The following TNRC18 variants were observed in gnomAD, a reference collection of about 807,000 sequenced individuals.
The protein encoded by TNRC18 is trinucleotide repeat containing 18.
TNRC18 carries 69 observed loss-of-function variants against 226.7 expected under a neutral mutation model. The observed-to-expected ratio is 0.30, with a 90% CI of 0.25 to 0.37. The LOEUF is 0.37. Among genes scored for constraint, TNRC18 ranks in the 10% least tolerant of loss-of-function variants. TNRC18 has a pLI of 1.00. For missense variants in TNRC18, 4,754 were observed against 4,256.6 expected (o/e 1.12, Z -3.25); for synonymous variants, 2,449 against 1,927.6 (o/e 1.27, Z -7.09).
chr7:5,416,902 G>A (rs1184352662), intron 2 of TNRC18, among the ~76,000 whole-genome samples: 6 of 151,472 alleles, frequency 4.0e-5, no homozygotes, highest in South Asian at 2.1e-4. Context: ...AAGGCAGGAG[G>A]AGCCCAGGAG....
chr7:5,407,199 C>A (rs1030266785), intron 2 of TNRC18: 1 of 152,416 alleles, frequency 6.6e-6, no homozygotes, highest in Non-Finnish European at 1.5e-5. Context: ...GTGGCCACCG[C>A]CGCCGTTCTG....
At chr7:5,402,619 C>T (rs554343182) in intron 2 of TNRC18, among the ~76,000 whole-genome samples, 2 of 152,006 alleles carry the variant, frequency 1.3e-5, no homozygotes, top group African/African-American at 4.8e-5. Flanking sequence ...TTTGGGAGGC[C>T]GAGGCAGGCA....
intron 2 of TNRC18, among the ~76,000 whole-genome samples, chr7:5,401,237 CG>C (rs1049638742): frequency 2.6e-5 from 2 of 77,834 alleles, no homozygotes; most frequent in African/African-American, 5.5e-5. Context: ...CGGGGGGGGG[CG>C]GGGGGGCTGC....
Position 5,394,539 on chromosome 7 carries a change from G to A in TNRC18, c.244C>T (p.His82Tyr). The change falls in exon 3 of 30, where the codon CAT becomes TAT. Residue 82 changes from histidine to tyrosine, a missense_variant. By Grantham distance (83) the His-to-Tyr change is moderately conservative. Coordinates refer to ENST00000430969, the MANE Select transcript of TNRC18 (RefSeq NM_001080495.3). The surrounding 1 kb of genome is among the most constrained non-coding windows in gnomAD (Gnocchi z 4.5). ...ASGMGPSASS[H>Y]GSPVPLPSDL... ...GAGGGCAGTGGCACTGGGCTCCCAT[G>A]GGACGAGGCCGAGGGCCCCATCCCG... 8.4e-6 allele frequency: 13 copies of A among 1,551,874 alleles called. 1 individual carries two copies. The highest frequency in any genetic ancestry group is 6.0e-5 in the South Asian group (5 of 83,732).
At chr7:5,373,766 C>T (rs1189717649) in intron 10 of TNRC18, among the ~76,000 whole-genome samples, 1 of 152,122 alleles carries the variant, frequency 6.6e-6, no homozygotes, top group East Asian at 1.9e-4. Context: ...GCATGCTGAG[C>T]GTGTGACAGG....
intron 21 of TNRC18, among the ~76,000 whole-genome samples, chr7:5,322,805 G>C (rs1368282867): frequency 2.0e-5 from 3 of 152,238 alleles, no homozygotes; most frequent in Non-Finnish European, 4.4e-5. Context: ...CTCGCTGGGA[G>C]AGGGATGGGT....
chr7:5,387,888 C>T lies in TNRC18; in HGVS notation c.1936G>A (p.Gly646Ser). 1 of 1,591,070 alleles carries T rather than the reference C, an allele frequency of 6.3e-7. No individual in the cohort carries two copies. Among genetic ancestry groups the T allele is most frequent in the Non-Finnish European group, 8.5e-7 (1 of 1,170,822 alleles). ...RLPHSGGPAA[G>S]GGRQLKRDPE... The stretch of plus-strand genomic sequence containing the variant: ...TCCCGCTTCAGCTGCCGGCCGCCGC[C>T]CGCTGCAGGGCCTCCGGAGTGTGGG... The change falls in exon 5 of 30, where the codon GGC becomes AGC. Residue 646 changes from glycine (G) to serine (S), a missense_variant. Coordinates refer to ENST00000430969, the MANE Select transcript of TNRC18 (RefSeq NM_001080495.3).
At position 5,399,964 on chromosome 7, in the gene TNRC18, A is replaced by C. The variant is rs113233647; in HGVS notation, c.188-5369T>G. ...AGCTGAGGTGGTGCGATCATGACTC[A>C]CTGCAGCCTCAACCTCCCGGGCTCA... On this transcript the variant is annotated intron_variant, in intron 2 of 29. Coordinates refer to ENST00000430969, the MANE Select transcript of TNRC18 (RefSeq NM_001080495.3). 1.5e-3 allele frequency among the ~76,000 whole-genome samples: 232 copies of C among 151,578 alleles called. 4 individuals are homozygous for C. Among genetic ancestry groups the C allele is most frequent in the African/African-American group, 4.7e-3 (194 of 41,160 alleles).
chr7:5,388,894 C>G lies in TNRC18; in HGVS notation c.930G>C (p.Arg310=), dbSNP rs931729378. The part of the protein sequence containing the change: ...AGRGGAKEAA[R]QDEGARLLRR... ...GCAGCAGCCGCGCGCCCTCGTCCTGCCGGGCAGCCTCCTTGGCACCCCCGC... is the reference window on the plus strand; with the variant it reads ...GCAGCAGCCGCGCGCCCTCGTCCTGGCGGGCAGCCTCCTTGGCACCCCCGC... The change falls in exon 5 of 30, where the codon CGG becomes CGC. Residue 310 remains arginine (R), a synonymous_variant. Transcript: ENST00000430969. The G allele has an allele frequency of 7.4e-7, 1 of 1,356,262 alleles. No individual in the cohort carries two copies. 84.0% of individuals were successfully genotyped at this position (1,356,262 alleles called of 1,614,324 possible).
rs548162921 is a variant in TNRC18 at position 5,346,729 on chromosome 7, C to T, written c.5471-919G>A. Among the ~76,000 whole-genome samples, 60 of 152,354 alleles carry T rather than the reference C, an allele frequency of 3.9e-4. 1 individual carries two copies. Among genetic ancestry groups the T allele is most frequent in the African/African-American group, 1.4e-3 (59 of 41,588 alleles). ...GGAGGCTGGGCAAGTCCTCGGCCCT[C>T]TCTGAGCCTCTATTTTCTCACCTGC... On this transcript the variant is annotated intron_variant, in intron 17 of 29. Coordinates refer to ENST00000430969, the MANE Select transcript of TNRC18 (RefSeq NM_001080495.3).
At position 5,351,970 on chromosome 7, in the gene TNRC18, A is replaced by G; in HGVS notation, c.5319T>C (p.Gly1773=). The change falls in exon 17 of 30, where the codon GGT becomes GGC. Residue 1773 remains glycine, a synonymous_variant. Transcript: ENST00000430969. ...GGCCCCTCTTGGTCAGCTTGGGGCC[A>G]CCAGCTGCCTTGCTGTTCTTTGCCA... ...SMVAKNSKAA[G]GPKLTKRGLA... is the part of the protein sequence containing the mutation. The G allele has an allele frequency of 6.2e-7, 1 of 1,613,940 alleles. No individual in the cohort carries two copies. Among genetic ancestry groups the G allele is most frequent in the South Asian group, 1.1e-5 (1 of 91,080 alleles).
At chr7:5,338,926 G>GAAAA (rs778716584) in intron 18 of TNRC18, among the ~76,000 whole-genome samples, 11 of 64,312 alleles carry the variant, frequency 1.7e-4, no homozygotes, top group African/African-American at 2.0e-4. Context: ...ATCTCAAAAG[G>GAAAA]AAAAAAAAAA....
rs1400741590 is a variant in TNRC18, at chr7:5,359,607, A to G, written c.4662-38T>C. ...CACACTGCCGGTCAGCACCCTGGCC[A>G]GACAAGGCTCGCAGGCTGAGGTCCA... On this transcript the variant is annotated intron_variant, in intron 14 of 29. Transcript: ENST00000430969. 2.5e-6 allele frequency: 4 copies of G among 1,611,230 alleles called. No individual in the cohort carries two copies. The African/African-American group carries it at 5.3e-5, about 22-fold the overall frequency.
intron 17 of TNRC18, among the ~76,000 whole-genome samples, chr7:5,348,675 G>C (rs903090068): frequency 1.3e-5 from 2 of 151,940 alleles, no homozygotes; most frequent in Non-Finnish European, 2.9e-5. Context: ...AGGGAGGCAG[G>C]AGCCAGAGGG....
In TNRC18 at chr7:5,357,195, G is replaced by T; in HGVS notation, c.4915C>A (p.Gln1639Lys). ...TTGAAGGGCGACTTCAACTTGTCCT[G>T]CTTGGTGAGGGAGAGGGCCTTGTCG... The part of the protein sequence containing the change: ...KLDKALSLTK[Q>K]DKLKSPFKFS... The change falls in exon 16 of 30, where the codon CAG (glutamine) becomes AAG (lysine). Residue 1639 changes from glutamine (Q) to lysine (K), a missense_variant. Transcript: ENST00000430969. 1.2e-6 allele frequency: 2 copies of T among 1,611,210 alleles called. No individual in the cohort carries two copies. The highest frequency in any genetic ancestry group is 1.7e-6 in the Non-Finnish European group (2 of 1,178,856).
chr7:5,367,826 T>G (rs1793758776), intron 11 of TNRC18, among the ~76,000 whole-genome samples: 2 of 151,420 alleles, frequency 1.3e-5, no homozygotes, highest in African/African-American at 4.9e-5. Context: ...TTAGGACAAG[T>G]GCCTCCCAGT....
rs568247100 is a variant in TNRC18, at chr7:5,315,444, A to G, written c.6863-296T>C. Among the ~76,000 whole-genome samples, 30 of 149,766 alleles carry G rather than the reference A, an allele frequency of 2.0e-4. No individual in the cohort carries two copies. In the East Asian group the frequency reaches 5.4e-3, roughly 27 times the overall value. ...TTTTTTTTTTTTTTTTTTTTTTTTA[A>G]AACAGAGTCTCGCTCTGTCGCCAGG... On this transcript the variant is annotated intron_variant, in intron 25 of 29. Transcript: ENST00000430969.
At chr7:5,347,317 A>T (rs1451865307) in intron 17 of TNRC18, among the ~76,000 whole-genome samples, 1 of 149,022 alleles carries the variant, frequency 6.7e-6, no homozygotes, top group Non-Finnish European at 1.5e-5. Flanking sequence ...CCTCTCGAGT[A>T]GTGGGACTAC....
chr7:5,347,156 G>C (rs4073800), intron 17 of TNRC18, among the ~76,000 whole-genome samples: 25,263 of 150,520 alleles, frequency 0.17, 2,247 homozygotes, highest in Admixed American at 0.19. Context: ...CAGCCTGGGC[G>C]ACAGAGCAAA....
Sources: allele counts gnomAD v4.1 joint callset (sites outside exome capture counted in the v4.1 genomes callset), GRCh38; gene constraint gnomAD v4.1.1; non-coding constraint Gnocchi (gnomAD v3.1); transcripts MANE v1.5; gene names NCBI Gene and HGNC (gene_info 2026-07-23, HGNC 2026-07-21).